The following KSR2 variants were observed in gnomAD, a reference collection of about 807,000 sequenced individuals.
KSR2 encodes the protein kinase suppressor of ras 2.
In KSR2, 25 loss-of-function variants were observed where a neutral mutation model predicts 107.8. The ratio of observed to expected loss-of-function variants is 0.23; its 90% confidence interval spans 0.17 to 0.32. KSR2 has a LOEUF of 0.32. Ranked by LOEUF, KSR2 falls within the 10% of genes least tolerant of loss-of-function variation. The pLI, the probability that KSR2 is intolerant of heterozygous loss-of-function variation, is 1.00. For synonymous variants in KSR2, 480 were observed against 507.0 expected (o/e 0.95, Z 0.71); for missense variants, 887 against 1,268.9 (o/e 0.70, Z 4.57).
At chr12:117,901,563 A>G (rs745643219) in intron 1 of KSR2, among the ~76,000 whole-genome samples, 1 of 152,212 alleles carries the variant, frequency 6.6e-6, no homozygotes, top group Non-Finnish European at 1.5e-5. Context: ...TAGGCCTCCC[A>G]AAGTGCTGCA....
intron 5 of KSR2, among the ~76,000 whole-genome samples, chr12:117,646,329 G>A (rs1883637985): frequency 6.6e-6 from 1 of 152,168 alleles, no homozygotes; most frequent in South Asian, 2.1e-4. Context: ...AACCTATCCA[G>A]CCATTTCCAG....
At chr12:117,727,783 T>C (rs540449167) in intron 4 of KSR2, among the ~76,000 whole-genome samples, 1 of 152,294 alleles carries the variant, frequency 6.6e-6, no homozygotes, top group South Asian at 2.1e-4. Context: ...ACGTTTGTGA[T>C]ACTTTGTTAC....
intron 4 of KSR2, among the ~76,000 whole-genome samples, chr12:117,727,514 A>AAGGAGGAGGAGGAAAGGAGGAAG (rs1887481120): frequency 6.6e-6 from 1 of 151,466 alleles, no homozygotes; most frequent in Non-Finnish European, 1.5e-5. Context: ...ACAAGAGGAG[A>AAGGAGGAGGAGGAAAGGAGGAAG]AGGAGGAGGA....
chr12:117,627,696 A>G (rs7138540), intron 5 of KSR2, among the ~76,000 whole-genome samples: 5,881 of 150,984 alleles, frequency 0.039, 252 homozygotes, highest in East Asian at 0.24. Flanking sequence ...TGCCCTTCTC[A>G]AGGAGTATCT....
At chr12:117,572,264 G>A (rs1878941846) in intron 7 of KSR2, among the ~76,000 whole-genome samples, 1 of 152,120 alleles carries the variant, frequency 6.6e-6, no homozygotes, top group East Asian at 1.9e-4. Context: ...GTGCATTACT[G>A]CATCCACCCG....
At chr12:117,721,422 T>C (rs759758705) in intron 4 of KSR2, among the ~76,000 whole-genome samples, 39 of 152,252 alleles carry the variant, frequency 2.6e-4, no homozygotes, top group Non-Finnish European at 4.6e-4. Flanking sequence ...ATACTATTAA[T>C]GATAACAGTG....
intron 14 of KSR2, among the ~76,000 whole-genome samples, chr12:117,523,933 T>C (rs1452128010): frequency 2.6e-5 from 4 of 152,104 alleles, no homozygotes; most frequent in Non-Finnish European, 5.9e-5. Context: ...GATCACACCA[T>C]TGCACTCCAG....
chr12:117,486,420 C>T (rs1872465894), intron 14 of KSR2, among the ~76,000 whole-genome samples: 1 of 152,184 alleles, frequency 6.6e-6, no homozygotes, highest in Admixed American at 6.5e-5. Flanking sequence ...AGAGCAGGCA[C>T]CCACAAGCTG....
chr12:117,646,829 G>A (rs553458630), intron 5 of KSR2, among the ~76,000 whole-genome samples: 1 of 152,024 alleles, frequency 6.6e-6, no homozygotes, highest in African/African-American at 2.4e-5. Flanking sequence ...CCTCCCTCCC[G>A]CAGTCCCCCA....
At chr12:117,612,209 T>C (rs1052967094) in intron 5 of KSR2, among the ~76,000 whole-genome samples, 21 of 152,042 alleles carry the variant, frequency 1.4e-4, no homozygotes, top group African/African-American at 4.8e-4. Context: ...ATCAAGACCA[T>C]CCTGGCCAAC....
At chr12:117,821,837 A>G (rs1470362431) in intron 3 of KSR2, among the ~76,000 whole-genome samples, 1 of 152,238 alleles carries the variant, frequency 6.6e-6, no homozygotes, top group Non-Finnish European at 1.5e-5. Context: ...TATTATTGTC[A>G]GAGGCGTTTG....
Position 117,835,303 on chromosome 12 carries a change from G to A in KSR2, c.472+20125C>T, listed in dbSNP as rs1286934293. 4.6e-5 allele frequency among the ~76,000 whole-genome samples: 7 copies of A among 152,202 alleles called. 1 individual carries two copies. The South Asian group carries it at 6.2e-4, about 14-fold the overall frequency. ...CCCTGGGGAGACAGGGAGAGATGGT[G>A]CATGTATGTGTGTGCATGGCGAGTT... is the stretch of plus-strand genomic sequence containing the variant. On this transcript the variant is annotated intron_variant, in intron 3 of 19. Coordinates refer to ENST00000339824, the MANE Select transcript of KSR2 (RefSeq NM_173598.6).
intron 4 of KSR2, among the ~76,000 whole-genome samples, chr12:117,759,510 C>T (rs1050375259): frequency 3.3e-5 from 5 of 152,148 alleles, no homozygotes; most frequent in African/African-American, 1.2e-4. Context: ...ACCATCTTAA[C>T]CATTTTGAAG....
chr12:117,883,605 G>T (rs1349045934), intron 1 of KSR2, among the ~76,000 whole-genome samples: 1 of 152,176 alleles, frequency 6.6e-6, no homozygotes, highest in African/African-American at 2.4e-5. Flanking sequence ...GGCACAGAAA[G>T]GTGTGCAAAG....
chr12:117,778,977 T>TG (rs1889789520), intron 3 of KSR2, among the ~76,000 whole-genome samples: 1 of 152,196 alleles, frequency 6.6e-6, no homozygotes, highest in Non-Finnish European at 1.5e-5. Flanking sequence ...ACAACTGACT[T>TG]GGGGCGCAGG....
At chr12:117,941,540 TTAAG>T (rs944989340) in intron 1 of KSR2, among the ~76,000 whole-genome samples, 2 of 151,926 alleles carry the variant, frequency 1.3e-5, no homozygotes, top group African/African-American at 4.8e-5. Flanking sequence ...CATATTTTTA[TTAAG>T]TTTCAGATTT....
chr12:117,781,788 G>C (rs934520945), intron 3 of KSR2, among the ~76,000 whole-genome samples: 3 of 152,258 alleles, frequency 2.0e-5, no homozygotes, highest in Admixed American at 6.5e-5. Context: ...CTGGCACCCA[G>C]CCTGCCTCTG....
intron 1 of KSR2, among the ~76,000 whole-genome samples, chr12:117,956,494 G>A (rs971574364): frequency 5.3e-5 from 8 of 151,878 alleles, no homozygotes; most frequent in East Asian, 1.9e-4. Context: ...CTTGAGCTCC[G>A]GAGGTCAAGG....
chr12:117,732,864 G>A (rs1466107681), intron 4 of KSR2, among the ~76,000 whole-genome samples: 2 of 152,124 alleles, frequency 1.3e-5, no homozygotes, highest in African/African-American at 2.4e-5. Context: ...GGGGATGTAG[G>A]CCAGGAGGCC....
Sources: gnomAD v4.1 joint callset for allele counts (sites outside exome capture counted in the v4.1 genomes callset) on GRCh38, gnomAD v4.1.1 for gene constraint, MANE v1.5 for transcripts, NCBI Gene and HGNC (gene_info 2026-07-23, HGNC 2026-07-21) for gene names.